The following MFSD6 variants were observed in gnomAD, a reference collection of about 807,000 sequenced individuals.
MFSD6 encodes major facilitator superfamily domain containing 6.
A neutral mutation model predicts 56.3 loss-of-function variants in MFSD6; 26 were observed. The ratio of observed to expected loss-of-function variants is 0.46; its 90% CI spans 0.34 to 0.64. The LOEUF (loss-of-function observed/expected upper bound fraction) is 0.64, where lower values mean the gene tolerates loss of function less well. MFSD6 is among the 30% of genes least tolerant of loss of function. The probability of loss-of-function intolerance (pLI) is 0.01; values close to 1 mark genes in which losing one functional copy is unlikely to be tolerated. For synonymous variants in MFSD6, 331 were observed against 366.9 expected, an observed-to-expected ratio of 0.90 and a Z score of 1.12; for missense variants, 750 against 986.2, an observed-to-expected ratio of 0.76 and a Z score of 3.21.
intron 3 of MFSD6, among the ~76,000 whole-genome samples, chr2:190,441,285 A>C (rs1361525749): frequency 1.3e-5 from 2 of 151,856 alleles, no homozygotes; most frequent in Non-Finnish European, 2.9e-5. Flanking sequence ...TTGGTTCTCA[A>C]CTCACCAAGA....
At chr2:190,414,545 T>C (rs990082744) in intron 1 of MFSD6, among the ~76,000 whole-genome samples, 4 of 152,214 alleles carry the variant, frequency 2.6e-5, no homozygotes, top group African/African-American at 9.6e-5. Flanking sequence ...TGCATATCTT[T>C]TAAGAGTGTC....
At chr2:190,480,227 A>G (rs944940164) in intron 4 of MFSD6, among the ~76,000 whole-genome samples, 2 of 152,240 alleles carry the variant, frequency 1.3e-5, no homozygotes, top group African/African-American at 4.8e-5. Context: ...CATGGGGAAG[A>G]AATACTAGTT....
chr2:190,495,420 T>A lies in MFSD6; in HGVS notation c.1892-2019T>A, dbSNP rs2125261518. Among the ~76,000 whole-genome samples the A allele has an allele frequency of 6.6e-6, 1 of 152,318 alleles. No homozygotes were observed. The highest frequency in any genetic ancestry group is 2.4e-5 in the African/African-American group (1 of 41,580). ...ATCAATATTGTGAAAATGACCATAC[T>A]GCTAAAAGCAATCTACAAATTCAAT... On this transcript the variant is annotated intron_variant, in intron 6 of 7. Transcript: ENST00000392328. This position sits in a 1 kb window ranked among gnomAD's most constrained non-coding sequence, Gnocchi z 4.7.
rs965445565 is a variant in MFSD6, at chr2:190,424,042, G to A, written c.-54+8629G>A. Among the ~76,000 whole-genome samples the A allele has an allele frequency of 2.6e-5, 4 of 152,082 alleles. No individual in the cohort carries two copies. The highest frequency in any genetic ancestry group is 4.4e-5 in the Non-Finnish European group (3 of 68,020). On this transcript the variant is annotated intron_variant, in intron 2 of 7. Transcript: ENST00000392328. The surrounding 1 kb of genome is among the most constrained non-coding windows in gnomAD (Gnocchi z 5.9). ...TACATATTCTAGAAACTAATCCTTC[G>A]CTGGATTTGTGGTTTCCAAGTATTT...
At chr2:190,452,398 G>A (rs536348633) in intron 3 of MFSD6, among the ~76,000 whole-genome samples, 40 of 152,204 alleles carry the variant, frequency 2.6e-4, no homozygotes, top group African/African-American at 6.5e-4. Flanking sequence ...CAAAAGCATC[G>A]TGCTAAATGC....
chr2:190,499,606 CA>C lies in MFSD6; in HGVS notation c.2173-406del, dbSNP rs1254269903. On this transcript the variant is annotated intron_variant, in intron 7 of 7. Coordinates refer to ENST00000392328, the MANE Select transcript of MFSD6 (RefSeq NM_017694.4). The surrounding 1 kb of genome is among the most constrained non-coding windows in gnomAD (Gnocchi z 6.0). ...AACCCCTTATTTACCTCCTGTTAGACAAAGTGTCTTCTGGCTCTTGGATTCT... is the reference window on the plus strand; with the variant it reads ...AACCCCTTATTTACCTCCTGTTAGACAAGTGTCTTCTGGCTCTTGGATTCT... Among the ~76,000 whole-genome samples, 1 of 152,360 alleles carries C rather than the reference CA, an allele frequency of 6.6e-6. No individual in the cohort carries two copies. The highest frequency in any genetic ancestry group is 1.9e-4 in the East Asian group (1 of 5,188).
chr2:190,470,784 C>T (rs2125148835), intron 4 of MFSD6, among the ~76,000 whole-genome samples: 1 of 152,118 alleles, frequency 6.6e-6, no homozygotes, highest in South Asian at 2.1e-4. Flanking sequence ...AATTATACAT[C>T]TAAACAGAAT....
Position 190,453,037 on chromosome 2 carries a change from T to C in MFSD6, c.1532+15476T>C, listed in dbSNP as rs1187264501. Among the ~76,000 whole-genome samples the C allele has an allele frequency of 2.0e-5, 3 of 152,302 alleles. No individual in the cohort carries two copies. The East Asian group carries it at 5.8e-4, about 29-fold the overall frequency. On this transcript the variant is annotated intron_variant, in intron 3 of 7. Transcript: ENST00000392328. ...GTGTTGAATATGACAGACATATTCC[T>C]GTGTCATGGAGCTCATGTTCTGTTG... is the stretch of plus-strand genomic sequence containing the variant.
chr2:190,459,466 A>G lies in MFSD6; in HGVS notation c.1533-10292A>G, dbSNP rs1355485100. ...CCATATCCTAGGAAATTTTTAAACA[A>G]AATTGTAGGGGGTGTGTGTGTGAAT... On this transcript the variant is annotated intron_variant, in intron 3 of 7. Coordinates refer to ENST00000392328, the MANE Select transcript of MFSD6 (RefSeq NM_017694.4). This position sits in a 1 kb window ranked among gnomAD's most constrained non-coding sequence, Gnocchi z 5.3. Among the ~76,000 whole-genome samples the G allele has an allele frequency of 6.6e-6, 1 of 152,154 alleles. No individual in the cohort carries two copies. Among genetic ancestry groups the G allele is most frequent in the Non-Finnish European group, 1.5e-5 (1 of 68,020 alleles).
At chr2:190,427,583 A>G (rs1685819838) in intron 2 of MFSD6, among the ~76,000 whole-genome samples, 1 of 152,174 alleles carries the variant, frequency 6.6e-6, no homozygotes, top group African/African-American at 2.4e-5. Context: ...ACCAAGGTCC[A>G]TAGCTGGTCT....
intron 4 of MFSD6, among the ~76,000 whole-genome samples, chr2:190,484,486 T>C (rs1424934770): frequency 6.6e-6 from 1 of 152,222 alleles, no homozygotes; most frequent in Non-Finnish European, 1.5e-5. Context: ...GGTAGCACAA[T>C]TCCTAAGACT....
At chr2:190,486,809 C>A (rs1182543793) in intron 4 of MFSD6, among the ~76,000 whole-genome samples, 1 of 152,156 alleles carries the variant, frequency 6.6e-6, no homozygotes, top group Non-Finnish European at 1.5e-5. Context: ...GGGGATGGAA[C>A]CAGATGATTT....
rs1345665673 is a variant in MFSD6, at chr2:190,498,818, T to G, written c.2172+1099T>G. 6.6e-6 allele frequency among the ~76,000 whole-genome samples: 1 copy of G among 152,206 alleles called. No homozygotes were observed. ...TTTCACAGAAGCCACATAAAATTTT[T>G]GATGTGGCGCTTTTTTTCTGGTATG... On this transcript the variant is annotated intron_variant, in intron 7 of 7. Coordinates refer to ENST00000392328, the MANE Select transcript of MFSD6 (RefSeq NM_017694.4). The surrounding 1 kb of genome is among the most constrained non-coding windows in gnomAD (Gnocchi z 5.9).
rs1689966443 is a variant in MFSD6 at position 190,500,309 on chromosome 2, G to C, written c.*91G>C. 3 of 1,367,678 alleles carry C rather than the reference G, an allele frequency of 2.2e-6. No individual in the cohort carries two copies. The allele number at this position is 1,367,678 out of a possible 1,614,324, so 84.7% of individuals were successfully genotyped here. A position where few individuals can be genotyped will look rare whatever the true frequency, so the allele number is the denominator to read the frequency against. ...CCCCCAGCCAGGATATGCCTCCCCT[G>C]GAGGAGCACAGCACTGCATATGCTT... On this transcript the variant is annotated 3_prime_UTR_variant, in exon 8 of 8. Coordinates refer to ENST00000392328, the MANE Select transcript of MFSD6 (RefSeq NM_017694.4). The surrounding 1 kb of genome is among the most constrained non-coding windows in gnomAD (Gnocchi z 5.3).
In MFSD6 at chr2:190,470,371, T is replaced by G. The variant is rs371346551; in HGVS notation, c.1630+516T>G. ...CTCTGCTCAAATGTCCTGCCCTGAGTTCTCTTTGCTTCAGTGTACTGTCTC... is the reference window on the plus strand; with the variant it reads ...CTCTGCTCAAATGTCCTGCCCTGAGGTCTCTTTGCTTCAGTGTACTGTCTC... On this transcript the variant is annotated intron_variant, in intron 4 of 7. Transcript: ENST00000392328. Among the ~76,000 whole-genome samples the G allele has an allele frequency of 2.6e-5, 4 of 152,214 alleles. No individual in the cohort carries two copies. The East Asian group carries it at 7.7e-4, about 29-fold the overall frequency.
rs777184056 is a variant in MFSD6 at position 190,436,864 on chromosome 2, T to G, written c.835T>G (p.Tyr279Asp). 8.1e-6 allele frequency: 13 copies of G among 1,614,136 alleles called. No homozygotes were observed. The highest frequency in any genetic ancestry group is 1.0e-5 in the Non-Finnish European group (12 of 1,180,050). ...ACCTTCTGACCAAGTCATGCTTGTT[T>G]ATGATCAACAAGAAGTTGAAGCTAT... The part of the protein sequence containing the change: ...SLPSDQVMLV[Y>D]DQQEVEAIFL... The change falls in exon 3 of 8, where the codon TAT becomes GAT. Residue 279 changes from tyrosine (Y) to aspartate (D), a missense_variant. Around this residue, in one of 5 missense-constraint regions of MFSD6, gnomAD observed 376 missense variants for 437.9 expected, o/e 0.86. Transcript: ENST00000392328. The surrounding 1 kb of genome is among the most constrained non-coding windows in gnomAD (Gnocchi z 5.3).
In MFSD6 at chr2:190,464,106, C is replaced by G. The variant is rs567389474; in HGVS notation, c.1533-5652C>G. On this transcript the variant is annotated intron_variant, in intron 3 of 7. Transcript: ENST00000392328. ...GTTTGTTGCTGGTCTGTCTTCATCT[C>G]CCACCCTGGCCTCGAGCAACCTTGT... is the stretch of plus-strand genomic sequence containing the variant. Among the ~76,000 whole-genome samples the G allele has an allele frequency of 7.9e-5, 12 of 152,294 alleles. No individual in the cohort carries two copies. In the East Asian group the frequency reaches 1.4e-3, roughly 17 times the overall value.
In MFSD6 at chr2:190,437,230, T is replaced by C. The variant is rs1385531457; in HGVS notation, c.1201T>C (p.Ser401Pro). The C allele has an allele frequency of 6.2e-7, 1 of 1,614,236 alleles. No homozygotes were observed. The highest frequency in any genetic ancestry group is 8.5e-7 in the Non-Finnish European group (1 of 1,180,046). ...CTACAACCATTTCAAAAACGATGAT[T>C]CTAAAGGGAAAGAGGTGGAGATCCC... is the stretch of plus-strand genomic sequence containing the variant. ...FRYNHFKNDD[S>P]KGKEVEIPQV... Residue 401 changes from serine (S) to proline (P), a missense_variant, in exon 3 of 8, where the codon TCT (serine) becomes CCT (proline). Ser to Pro is a moderately conservative substitution (Grantham distance 74, BLOSUM62 -1). Around this residue, in one of 5 missense-constraint regions of MFSD6, gnomAD observed 376 missense variants for 437.9 expected, o/e 0.86. Coordinates refer to ENST00000392328, the MANE Select transcript of MFSD6 (RefSeq NM_017694.4). This position sits in a 1 kb window ranked among gnomAD's most constrained non-coding sequence, Gnocchi z 5.9.
rs1289927353 is a variant in MFSD6, at chr2:190,485,711, A to G, written c.1631-2946A>G. ...AGCTGGCATTATCTAGGGTATTGCAATTGTTTTGCCAGATAAAGCAAACAC... is the reference window on the plus strand; with the variant it reads ...AGCTGGCATTATCTAGGGTATTGCAGTTGTTTTGCCAGATAAAGCAAACAC... On this transcript the variant is annotated intron_variant, in intron 4 of 7. Coordinates refer to ENST00000392328, the MANE Select transcript of MFSD6 (RefSeq NM_017694.4). This position sits in a 1 kb window ranked among gnomAD's most constrained non-coding sequence, Gnocchi z 5.1. Among the ~76,000 whole-genome samples, 1 of 152,228 alleles carries G rather than the reference A, an allele frequency of 6.6e-6. No individual in the cohort carries two copies. Among genetic ancestry groups the G allele is most frequent in the East Asian group, 1.9e-4 (1 of 5,186 alleles).
Sources: gnomAD v4.1 joint callset for allele counts (sites outside exome capture counted in the v4.1 genomes callset) on GRCh38, gnomAD v4.1.1 for gene constraint, gnomAD v4.1.1 regional missense constraint, Gnocchi (gnomAD v3.1) non-coding constraint, MANE v1.5 for transcripts, NCBI Gene and HGNC (gene_info 2026-07-23, HGNC 2026-07-21) for gene names.